MAML3: variants seen among roughly 807,000 people sequenced by gnomAD.
The protein encoded by MAML3 is mastermind like transcriptional coactivator 3, also known as mastermind-like protein 3.
In MAML3, 27 loss-of-function variants were observed where a neutral mutation model predicts 101.9. The observed-to-expected ratio is 0.27, with a 90% confidence interval of 0.20 to 0.37. The LOEUF is 0.37. Ranked by LOEUF, MAML3 falls within the 10% of genes least tolerant of loss-of-function variation. The probability of loss-of-function intolerance (pLI) is 1.00; values close to 1 mark genes in which losing one functional copy is unlikely to be tolerated. For synonymous variants in MAML3, 501 were observed against 555.9 expected (o/e 0.90, Z 1.39); for missense variants, 1,316 against 1,444.9 (o/e 0.91, Z 1.45).
At chr4:139,952,891 C>G (rs564702245) in intron 1 of MAML3, among the ~76,000 whole-genome samples, 1 of 152,172 alleles carries the variant, frequency 6.6e-6, no homozygotes, top group African/African-American at 2.4e-5. Context: ...TTCCAAGATC[C>G]GTGGAGGAGC....
At position 139,921,747 on chromosome 4, in the gene MAML3, C is replaced by T. The variant is rs191952377; in HGVS notation, c.469-30780G>A. Among the ~76,000 whole-genome samples, 496 of 152,252 alleles carry T rather than the reference C, an allele frequency of 3.3e-3. 3 individuals carry two copies. Among genetic ancestry groups the T allele is most frequent in the African/African-American group, 0.011 (473 of 41,550 alleles). On this transcript the variant is annotated intron_variant, in intron 1 of 4. Coordinates refer to ENST00000509479, the MANE Select transcript of MAML3 (RefSeq NM_018717.5). ...TCTCCCACTGCAGCACCTGGGTTGC[C>T]CGCTCACCTTAAGCTGCCAGCACTA...
At chr4:139,739,527 A>G (rs1283603742) in intron 2 of MAML3, among the ~76,000 whole-genome samples, 2 of 152,232 alleles carry the variant, frequency 1.3e-5, no homozygotes, top group Non-Finnish European at 2.9e-5. Context: ...AAAGTTCATT[A>G]GTGTACAACA....
At chr4:140,076,464 T>C (rs1300474714) in intron 1 of MAML3, among the ~76,000 whole-genome samples, 1 of 152,160 alleles carries the variant, frequency 6.6e-6, no homozygotes, top group East Asian at 1.9e-4. Flanking sequence ...ACTTTTGTGG[T>C]TGAAATGAAA....
At chr4:140,140,604 A>C (rs951451990) in intron 1 of MAML3, among the ~76,000 whole-genome samples, 10 of 151,312 alleles carry the variant, frequency 6.6e-5, no homozygotes, top group Non-Finnish European at 1.3e-4. Context: ...GCTAAATGGC[A>C]AAAAAAAGGC....
chr4:140,132,516 G>C (rs1243646280), intron 1 of MAML3, among the ~76,000 whole-genome samples: 1 of 152,178 alleles, frequency 6.6e-6, no homozygotes, highest in African/African-American at 2.4e-5. Context: ...ATTAGAAAAA[G>C]GTTAAATATG....
At chr4:139,883,852 G>C (rs1397604440) in intron 2 of MAML3, among the ~76,000 whole-genome samples, 1 of 133,026 alleles carries the variant, frequency 7.5e-6, no homozygotes, top group East Asian at 2.5e-4. Flanking sequence ...GGGGTTCCAG[G>C]TTCTTAAAGT....
At chr4:139,891,035 T>A (rs1345393046) in intron 1 of MAML3, 68 bp from the exon 2 acceptor site, 2 of 1,513,634 alleles carry the variant, frequency 1.3e-6, no homozygotes, top group Non-Finnish European at 8.8e-7. Flanking sequence ...AGGATTGAGA[T>A]GTGCATTGCG....
At chr4:140,092,732 T>C (rs1354152358) in intron 1 of MAML3, among the ~76,000 whole-genome samples, 1 of 152,014 alleles carries the variant, frequency 6.6e-6, no homozygotes, top group Non-Finnish European at 1.5e-5. Context: ...CCACACCTCA[T>C]TCCCTGCTGC....
At chr4:139,766,720 C>G (rs574276998) in intron 2 of MAML3, among the ~76,000 whole-genome samples, 5 of 152,336 alleles carry the variant, frequency 3.3e-5, no homozygotes, top group Admixed American at 3.3e-4. Flanking sequence ...TAGAAATTAT[C>G]CCCTCTATTT....
At chr4:139,781,775 C>T (rs1355945983) in intron 2 of MAML3, among the ~76,000 whole-genome samples, 1 of 152,128 alleles carries the variant, frequency 6.6e-6, no homozygotes, top group Non-Finnish European at 1.5e-5. Context: ...GCCATCTATT[C>T]ATGGTGATGC....
At chr4:140,149,939 C>CTT (rs3051828) in intron 1 of MAML3, among the ~76,000 whole-genome samples, 65,489 of 129,660 alleles carry the variant, frequency 0.51, 16,863 homozygotes, top group Non-Finnish European at 0.55. Flanking sequence ...ATGTTTCTTT[C>CTT]TTTTTTTTTT....
At chr4:139,840,282 T>C (rs1167911927) in intron 2 of MAML3, among the ~76,000 whole-genome samples, 1 of 152,218 alleles carries the variant, frequency 6.6e-6, no homozygotes, top group Non-Finnish European at 1.5e-5. Context: ...ATGAGAGCTC[T>C]CCACAGAGCA....
chr4:140,079,020 G>C (rs1269769886), intron 1 of MAML3, among the ~76,000 whole-genome samples: 1 of 152,134 alleles, frequency 6.6e-6, no homozygotes, highest in African/African-American at 2.4e-5. Context: ...ACAGATATGG[G>C]AAGTCCACCT....
At chr4:140,038,980 G>A (rs1727033435) in intron 1 of MAML3, among the ~76,000 whole-genome samples, 2 of 152,082 alleles carry the variant, frequency 1.3e-5, no homozygotes, top group South Asian at 4.1e-4. Flanking sequence ...TTAGCCAGGT[G>A]TGGCAGCATG....
At chr4:139,840,796 A>G (rs1005447886) in intron 2 of MAML3, among the ~76,000 whole-genome samples, 1 of 152,196 alleles carries the variant, frequency 6.6e-6, no homozygotes, top group East Asian at 1.9e-4. Flanking sequence ...TCTCTCTGCC[A>G]TGGTGGCCAG....
At chr4:139,848,853 A>G (rs1731494598) in intron 2 of MAML3, among the ~76,000 whole-genome samples, 1 of 152,222 alleles carries the variant, frequency 6.6e-6, no homozygotes, top group South Asian at 2.1e-4. Context: ...GAAAAGGGAC[A>G]TGCTTTACGC....
chr4:139,987,415 T>C (rs1267334761), intron 1 of MAML3, among the ~76,000 whole-genome samples: 1 of 152,024 alleles, frequency 6.6e-6, no homozygotes, highest in Non-Finnish European at 1.5e-5. Context: ...ACTTCTCATC[T>C]TTTTGTTCTG....
intron 2 of MAML3, among the ~76,000 whole-genome samples, chr4:139,796,569 A>C (rs1578605514): frequency 6.6e-6 from 1 of 152,130 alleles, no homozygotes; most frequent in Admixed American, 6.5e-5. Flanking sequence ...TTGTGGCTCC[A>C]CCCTCAGAAG....
chr4:139,960,487 A>G (rs531107417), intron 1 of MAML3, among the ~76,000 whole-genome samples: 1 of 152,238 alleles, frequency 6.6e-6, no homozygotes, highest in South Asian at 2.1e-4. Flanking sequence ...ACAGAAAGAG[A>G]TGTTCTGAGC....
Sources: allele counts gnomAD v4.1 joint callset (sites outside exome capture counted in the v4.1 genomes callset), GRCh38; gene constraint gnomAD v4.1.1; transcripts MANE v1.5; gene names NCBI Gene and HGNC (gene_info 2026-07-23, HGNC 2026-07-21).